Variants in MCOLN2 observed in about 807,000 individuals in gnomAD.
MCOLN2 encodes the protein mucolipin-2.
MCOLN2 carries 57 observed loss-of-function variants against 67.5 expected under a neutral mutation model. The ratio of observed to expected loss-of-function variants is 0.84; its 90% confidence interval spans 0.68 to 1.05. The LOEUF is 1.05. Ranked by LOEUF, MCOLN2 falls within the 50% of genes least tolerant of loss-of-function variation. The pLI, the probability that MCOLN2 is intolerant of heterozygous loss-of-function variation, is 0.00. For synonymous variants in MCOLN2, 246 were observed against 233.3 expected, an observed-to-expected ratio of 1.05 and a Z score of -0.50; for missense variants, 620 against 678.8, an observed-to-expected ratio of 0.91 and a Z score of 0.96.
intron 11 of MCOLN2, among the ~76,000 whole-genome samples, chr1:84,931,925 G>A (rs961530726): frequency 2.1e-4 from 32 of 152,010 alleles, no homozygotes; most frequent in African/African-American, 7.7e-4. Context: ...TCAGGAGGCT[G>A]GGGTGGGAGA....
At chr1:84,929,218 C>T (rs1661289433) in intron 13 of MCOLN2, among the ~76,000 whole-genome samples, 1 of 152,230 alleles carries the variant, frequency 6.6e-6, no homozygotes, top group South Asian at 2.1e-4. Context: ...ACCTCTGACA[C>T]TCCCAGAGTT....
intron 1 of MCOLN2, among the ~76,000 whole-genome samples, chr1:84,981,484 G>A (rs956049529): frequency 2.0e-5 from 3 of 152,182 alleles, no homozygotes; most frequent in Non-Finnish European, 4.4e-5. Context: ...CATAAAAAAT[G>A]AGATCCTGTC....
intron 5 of MCOLN2, 45 bp from the exon 6 acceptor site, chr1:84,952,384 A>G: frequency 1.3e-5 from 21 of 1,573,542 alleles, no homozygotes; most frequent in Non-Finnish European, 1.7e-5. Flanking sequence ...TAATCTTACT[A>G]TATACTATTC....
intron 1 of MCOLN2, among the ~76,000 whole-genome samples, chr1:84,996,375 A>C (rs1027029840): frequency 7.2e-6 from 1 of 138,272 alleles, no homozygotes; most frequent in Non-Finnish European, 1.6e-5. Context: ...ACACACACTT[A>C]CACATACGTA....
At chr1:84,993,852 G>C (rs1010869729) in intron 1 of MCOLN2, among the ~76,000 whole-genome samples, 1 of 151,338 alleles carries the variant, frequency 6.6e-6, no homozygotes, top group South Asian at 2.1e-4. Flanking sequence ...GGATGGTCTC[G>C]ATCTCCTGAC....
rs550802990 is a variant in MCOLN2 at position 84,941,433 on chromosome 1, T to C, written c.848-442A>G. 2.6e-5 allele frequency among the ~76,000 whole-genome samples: 4 copies of C among 151,836 alleles called. No homozygotes were observed. The South Asian group carries it at 8.4e-4, about 32-fold the overall frequency. ...AATGGCATGAAGCCGGGAGGCAGAG[T>C]TTGCAGTGAGCCGAGATCGTGCCAC... On this transcript the variant is annotated intron_variant, in intron 7 of 13. Transcript: ENST00000370608.
chr1:84,995,812 A>AAAAC (rs1172153967), intron 1 of MCOLN2, among the ~76,000 whole-genome samples: 1 of 151,956 alleles, frequency 6.6e-6, no homozygotes, highest in East Asian at 1.9e-4. Context: ...TTTTTAAAAA[A>AAAAC]AAACACTTTT....
intron 1 of MCOLN2, among the ~76,000 whole-genome samples, chr1:84,992,808 T>C (rs1001261657): frequency 6.6e-6 from 1 of 152,226 alleles, no homozygotes; most frequent in Non-Finnish European, 1.5e-5. Flanking sequence ...AACAATCATC[T>C]GAACCTTCAG....
At chr1:84,961,497 T>G (rs1649085949) in intron 2 of MCOLN2, among the ~76,000 whole-genome samples, 1 of 152,118 alleles carries the variant, frequency 6.6e-6, no homozygotes, top group Non-Finnish European at 1.5e-5. Flanking sequence ...CTATCTGGCA[T>G]CAGGAGCAAG....
chr1:84,933,821 A>G (rs897671034), intron 11 of MCOLN2, among the ~76,000 whole-genome samples: 16 of 152,180 alleles, frequency 1.1e-4, no homozygotes, highest in African/African-American at 3.6e-4. Context: ...GCTACACACA[A>G]TATCTGTCTC....
In MCOLN2 at chr1:84,981,937, C is replaced by G. The variant is rs183394991; in HGVS notation, c.77+14859G>C. ...CTGATGTATCCCATAAATATTACATCTACAATGTACCCACAAAAATTAAAA... is the reference window on the plus strand; with the variant it reads ...CTGATGTATCCCATAAATATTACATGTACAATGTACCCACAAAAATTAAAA... On this transcript the variant is annotated intron_variant, in intron 1 of 13. Transcript: ENST00000370608. Among the ~76,000 whole-genome samples, 399 of 146,844 alleles carry G rather than the reference C, an allele frequency of 2.7e-3. 1 individual carries two copies. The highest frequency in any genetic ancestry group is 4.2e-3 in the Non-Finnish European group (277 of 66,220).
At chr1:84,951,815 G>A (rs1648486544) in intron 6 of MCOLN2, among the ~76,000 whole-genome samples, 1 of 152,238 alleles carries the variant, frequency 6.6e-6, no homozygotes, top group Non-Finnish European at 1.5e-5. Flanking sequence ...GCTCATGCCT[G>A]TAATCCCAGC....
intron 1 of MCOLN2, among the ~76,000 whole-genome samples, chr1:84,968,852 C>A (rs1269011672): frequency 6.6e-6 from 1 of 152,210 alleles, no homozygotes; most frequent in Admixed American, 6.5e-5. Flanking sequence ...GGGGTCCTGC[C>A]CCAAACCCTG....
At chr1:84,945,679 C>A (rs1648054227) in intron 7 of MCOLN2, among the ~76,000 whole-genome samples, 1 of 152,174 alleles carries the variant, frequency 6.6e-6, no homozygotes, top group Non-Finnish European at 1.5e-5. Flanking sequence ...CATCCTAATT[C>A]TTTACTGAGC....
intron 1 of MCOLN2, among the ~76,000 whole-genome samples, chr1:84,971,495 GACATAC>G (rs1340039388): frequency 8.3e-5 from 7 of 84,702 alleles, no homozygotes; most frequent in South Asian, 7.8e-4. Context: ...GTATTAAACA[GACATAC>G]ACACACACAC....
rs545428879 is a variant in MCOLN2 at position 84,963,260 on chromosome 1, G to C, written c.237+2289C>G. ...GTACATAAAACATTTATTGTGCCTA[G>C]GACATGGCAAACACTAAGCTAACTG... is the stretch of plus-strand genomic sequence containing the variant. On this transcript the variant is annotated intron_variant, in intron 2 of 13. Transcript: ENST00000370608. 3.9e-5 allele frequency among the ~76,000 whole-genome samples: 6 copies of C among 152,292 alleles called. No individual in the cohort carries two copies. In the East Asian group the frequency reaches 1.2e-3, roughly 29 times the overall value.
chr1:84,985,314 T>C (rs1189304161), intron 1 of MCOLN2, among the ~76,000 whole-genome samples: 6 of 152,196 alleles, frequency 3.9e-5, no homozygotes, highest in Non-Finnish European at 7.4e-5. Flanking sequence ...CACTACCTCC[T>C]TGGGACAACC....
chr1:84,951,936 G>A (rs949879975), intron 6 of MCOLN2, among the ~76,000 whole-genome samples: 2 of 152,018 alleles, frequency 1.3e-5, no homozygotes, highest in African/African-American at 4.8e-5. Context: ...ACACAAAAAA[G>A]TTAAGCTGGG....
chr1:84,939,509 CAGG>C, intron 9 of MCOLN2, 41 bp downstream of exon 9: 1 of 1,597,722 alleles, frequency 6.3e-7, no homozygotes, highest in Non-Finnish European at 8.5e-7. Context: ...TGTGGCCATC[CAGG>C]AGAAGATGAA....
Sources: gnomAD v4.1 joint callset for allele counts (sites outside exome capture counted in the v4.1 genomes callset) on GRCh38, gnomAD v4.1.1 for gene constraint, MANE v1.5 for transcripts, NCBI Gene and HGNC (gene_info 2026-07-23, HGNC 2026-07-21) for gene names.